The following TSPAN15 variants were observed in gnomAD, a reference collection of about 807,000 sequenced individuals.
TSPAN15 encodes tetraspanin 15, also known as tetraspanin-15.
TSPAN15 carries 20 observed loss-of-function variants against 34.5 expected under a neutral mutation model. That is an observed-to-expected ratio of 0.58 (90% confidence interval 0.41 to 0.84). The LOEUF (loss-of-function observed/expected upper bound fraction) is 0.84, where lower values mean the gene tolerates loss of function less well. Among genes scored for constraint, TSPAN15 ranks in the 40% least tolerant of loss-of-function variants. The probability of loss-of-function intolerance (pLI) is 0.00; values close to 1 mark genes in which losing one functional copy is unlikely to be tolerated. For synonymous variants in TSPAN15, 155 were observed against 153.9 expected, an observed-to-expected ratio of 1.01 and a Z score of -0.05; for missense variants, 313 against 386.1, an observed-to-expected ratio of 0.81 and a Z score of 1.59.
At chr10:69,483,226 G>A (rs1841776258) in intron 1 of TSPAN15, among the ~76,000 whole-genome samples, 1 of 152,134 alleles carries the variant, frequency 6.6e-6, no homozygotes, top group South Asian at 2.1e-4. Flanking sequence ...CTGGCCTCGT[G>A]ATCTGCCCGC....
intron 3 of TSPAN15, 99 bp downstream of exon 3, chr10:69,485,314 C>T: frequency 1.0e-6 from 1 of 978,352 alleles, no homozygotes; most frequent in East Asian, 2.4e-5. Context: ...GGGCAGATAA[C>T]CCCCATGGAG....
At chr10:69,534,065 A>G in the TSPAN15 span, among the ~76,000 whole-genome samples, 2 of 152,252 alleles carry the variant, frequency 1.3e-5, no homozygotes, top group African/African-American at 2.4e-5. Flanking sequence ...TTCTCTGGTC[A>G]TCTAGGCAAA....
the TSPAN15 span, among the ~76,000 whole-genome samples, chr10:69,537,647 C>T: frequency 3.4e-3 from 525 of 152,318 alleles, 1 homozygote; most frequent in African/African-American, 0.011. Flanking sequence ...TCCACTATGA[C>T]GTCATCCTAA....
At chr10:69,487,813 T>C (rs1841886252) in intron 3 of TSPAN15, among the ~76,000 whole-genome samples, 1 of 152,174 alleles carries the variant, frequency 6.6e-6, no homozygotes, top group Non-Finnish European at 1.5e-5. Flanking sequence ...TCCGTGGGCC[T>C]GAGGTCAGGC....
At chr10:69,531,505 G>A in the TSPAN15 span, among the ~76,000 whole-genome samples, 3 of 152,074 alleles carry the variant, frequency 2.0e-5, no homozygotes, top group Admixed American at 6.5e-5. Context: ...AGGCTGAGGT[G>A]GGAGGATCAC....
intron 3 of TSPAN15, 83 bp from the exon 4 acceptor site, chr10:69,495,511 A>T: frequency 4.0e-6 from 4 of 1,002,512 alleles, no homozygotes; most frequent in Non-Finnish European, 6.3e-6. Context: ...GGCATTCTCT[A>T]CCCATCCAGG....
chr10:69,498,185 T>C, intron 4 of TSPAN15, 95 bp from the exon 5 acceptor site: 1 of 1,115,162 alleles, frequency 9.0e-7, no homozygotes, highest in Non-Finnish European at 1.4e-6. Context: ...ACCCACATAA[T>C]AAACTGCCTC....
chr10:69,475,013 A>G (rs2133095275), intron 1 of TSPAN15, among the ~76,000 whole-genome samples: 1 of 152,170 alleles, frequency 6.6e-6, no homozygotes, highest in East Asian at 1.9e-4. Context: ...ACCATTACCC[A>G]TGTACGCTGG....
At chr10:69,533,997 T>C in the TSPAN15 span, among the ~76,000 whole-genome samples, 1 of 152,196 alleles carries the variant, frequency 6.6e-6, no homozygotes, top group Non-Finnish European at 1.5e-5. Flanking sequence ...GGAAAAACAG[T>C]TTGTGTTTTC....
chr10:69,524,320 T>C, the TSPAN15 span, among the ~76,000 whole-genome samples: 1 of 146,848 alleles, frequency 6.8e-6, no homozygotes, highest in Non-Finnish European at 1.5e-5. Context: ...ATACAAAAAT[T>C]AGCTGGGCAT....
intron 1 of TSPAN15, among the ~76,000 whole-genome samples, chr10:69,479,083 C>T (rs914157302): frequency 2.6e-5 from 4 of 152,234 alleles, no homozygotes; most frequent in African/African-American, 9.7e-5. Context: ...TCTTACTCTC[C>T]CTTCTCAATA....
chr10:69,541,473 G>A, the TSPAN15 span, among the ~76,000 whole-genome samples: 1 of 152,210 alleles, frequency 6.6e-6, no homozygotes, highest in African/African-American at 2.4e-5. Flanking sequence ...AAATCCCATA[G>A]ACTTGGGCAG....
At position 69,504,486 on chromosome 10, in the gene TSPAN15, G is replaced by A; in HGVS notation, c.618+1G>A. ...TGGCTACAAAACTATCGACAAGGAG[G>A]TAATGTCTTTGAAATGCCTTTCCCT... is the stretch of plus-strand genomic sequence containing the variant. On this transcript the variant is annotated splice_donor_variant, in intron 6 of 7. Transcript: ENST00000373290. LOFTEE classifies it high-confidence loss of function. The A allele has an allele frequency of 6.2e-7, 1 of 1,614,028 alleles. No homozygotes were observed. Among genetic ancestry groups the A allele is most frequent in the Non-Finnish European group, 8.5e-7 (1 of 1,179,882 alleles).
intron 1 of TSPAN15, among the ~76,000 whole-genome samples, chr10:69,466,493 AG>A (rs1271434382): frequency 6.6e-6 from 1 of 152,330 alleles, no homozygotes; most frequent in East Asian, 1.9e-4. Flanking sequence ...AAAAATAATT[AG>A]TACCTCAAAC....
chr10:69,451,645 C>T lies in TSPAN15; in HGVS notation c.51C>T (p.Tyr17=), dbSNP rs1160475546. The T allele has an allele frequency of 1.3e-6, 2 of 1,547,230 alleles. No homozygotes were observed. The highest frequency in any genetic ancestry group is 1.7e-6 in the Non-Finnish European group (2 of 1,145,346). The change falls in exon 1 of 8, where the codon TAC becomes TAT. Residue 17 remains tyrosine (Y), a synonymous_variant. Coordinates refer to ENST00000373290, the MANE Select transcript of TSPAN15 (RefSeq NM_012339.5). ...TGCGCTACTGCGCGCGCTTCTCCTA[C>T]CTCTGGCTCAAGTTTTCACTTATCA... The part of the protein sequence containing the change: ...EQVRYCARFS[Y]LWLKFSLIIY...
At position 69,506,586 on chromosome 10, in the gene TSPAN15, G is replaced by T. The variant is rs566737007; in HGVS notation, c.736-243G>T. 6.6e-6 allele frequency among the ~76,000 whole-genome samples: 1 copy of T among 152,304 alleles called. No homozygotes were observed. Among genetic ancestry groups the T allele is most frequent in the Admixed American group, 6.5e-5 (1 of 15,310 alleles). The stretch of plus-strand genomic sequence containing the variant: ...GGAGGCAGGAATCCCAGAAGGGAGG[G>T]GCCCTTGCTGATGGGGCACAGCGAG... On this transcript the variant is annotated intron_variant, in intron 7 of 7. Coordinates refer to ENST00000373290, the MANE Select transcript of TSPAN15 (RefSeq NM_012339.5). This position sits in a 1 kb window ranked among gnomAD's most constrained non-coding sequence, Gnocchi z 4.7.
At chr10:69,522,105 A>T in the TSPAN15 span, among the ~76,000 whole-genome samples, 2 of 147,600 alleles carry the variant, frequency 1.4e-5, 1 homozygote, top group Non-Finnish European at 3.0e-5. Flanking sequence ...TCACACCTAT[A>T]ATCCCAGCAC....
chr10:69,514,544 CTTAT>C, the TSPAN15 span, among the ~76,000 whole-genome samples: 1 of 152,168 alleles, frequency 6.6e-6, no homozygotes, highest in East Asian at 1.9e-4. Flanking sequence ...TATAAGACTA[CTTAT>C]TTCTTCTTGA....
At chr10:69,515,411 C>G in the TSPAN15 span, among the ~76,000 whole-genome samples, 1 of 152,194 alleles carries the variant, frequency 6.6e-6, no homozygotes, top group Non-Finnish European at 1.5e-5. Flanking sequence ...TGTCCTCTCA[C>G]AGGAAGATCC....
Sources: gnomAD v4.1 joint callset for allele counts (sites outside exome capture counted in the v4.1 genomes callset) on GRCh38, gnomAD v4.1.1 for gene constraint, Gnocchi (gnomAD v3.1) non-coding constraint, MANE v1.5 for transcripts, NCBI Gene and HGNC (gene_info 2026-07-23, HGNC 2026-07-21) for gene names.